Variants in FGFR2 observed in about 807,000 individuals in gnomAD.
The protein encoded by FGFR2 is fibroblast growth factor receptor 2, also known as BEK fibroblast growth factor receptor.
In FGFR2, 19 loss-of-function variants were observed where a neutral mutation model predicts 95.9. The observed-to-expected ratio is 0.20, with a 90% CI of 0.14 to 0.29. FGFR2 has a LOEUF of 0.29. Among genes scored for constraint, FGFR2 ranks in the 10% least tolerant of loss-of-function variants. The pLI, the probability that FGFR2 is intolerant of heterozygous loss-of-function variation, is 1.00. For synonymous variants in FGFR2, 392 were observed against 393.3 expected (o/e 1.00, Z 0.04); for missense variants, 707 against 1,056.9 (o/e 0.67, Z 4.59).
Position 121,496,589 on chromosome 10 carries a change from G to C in FGFR2, c.1806C>G (p.Asp602Glu), listed in dbSNP as rs2133936082. The part of the protein sequence containing the change: ...RVPEEQMTFK[D>E]LVSCTYQLAR... ...CCAGCTGGTAGGTGCATGACACCAA[G>C]TCCTTGAAGGTCATCTGCTCCTCAG... Residue 602 changes from aspartate to glutamate, a missense_variant, in exon 13 of 18, where the codon GAC (aspartate) becomes GAG (glutamate). Transcript: ENST00000358487. 1 of 1,613,808 alleles carries C rather than the reference G, an allele frequency of 6.2e-7. No individual in the cohort carries two copies. The highest frequency in any genetic ancestry group is 8.5e-7 in the Non-Finnish European group (1 of 1,180,022).
intron 2 of FGFR2, among the ~76,000 whole-genome samples, chr10:121,592,028 T>C (rs543009035): frequency 1.3e-5 from 2 of 152,218 alleles, no homozygotes; most frequent in Admixed American, 6.5e-5. Flanking sequence ...TTACACTTTA[T>C]GTTGAAATAA....
chr10:121,577,790 C>CG (rs1335669546), intron 2 of FGFR2, among the ~76,000 whole-genome samples: 2 of 151,930 alleles, frequency 1.3e-5, no homozygotes, highest in East Asian at 1.9e-4. Context: ...TCCACCTGCC[C>CG]GGGGGGAGGA....
intron 9 of FGFR2, among the ~76,000 whole-genome samples, chr10:121,505,766 G>C (rs1848184394): frequency 6.6e-6 from 1 of 152,198 alleles, no homozygotes; most frequent in Non-Finnish European, 1.5e-5. Context: ...GGAACTTTCA[G>C]AGAACATCAA....
intron 5 of FGFR2, among the ~76,000 whole-genome samples, chr10:121,543,449 G>T (rs2134685510): frequency 6.6e-6 from 1 of 152,300 alleles, no homozygotes; most frequent in East Asian, 1.9e-4. Context: ...GACAGAGACT[G>T]CAGTGAGCTG....
chr10:121,586,812 A>G (rs191194842), intron 2 of FGFR2, among the ~76,000 whole-genome samples: 2 of 152,340 alleles, frequency 1.3e-5, no homozygotes, highest in East Asian at 3.9e-4. Flanking sequence ...AAACTTGTAA[A>G]AAGTGTGACT....
intron 17 of FGFR2, among the ~76,000 whole-genome samples, chr10:121,482,674 C>CA (rs1174492276): frequency 6.6e-6 from 1 of 152,144 alleles, no homozygotes; most frequent in South Asian, 2.1e-4. Context: ...CTTTCCTGCT[C>CA]AGAGCATATG....
intron 2 of FGFR2, among the ~76,000 whole-genome samples, chr10:121,566,231 T>C (rs959320319): frequency 4.6e-5 from 7 of 152,162 alleles, no homozygotes; most frequent in Non-Finnish European, 1.0e-4. Context: ...CTCTACAAGA[T>C]TTTTTGCCAT....
intron 9 of FGFR2, among the ~76,000 whole-genome samples, chr10:121,512,609 G>T (rs1486607038): frequency 6.6e-6 from 1 of 151,922 alleles, no homozygotes; most frequent in Non-Finnish European, 1.5e-5. Flanking sequence ...TGGTCAGGCT[G>T]GTCTTGAACT....
At chr10:121,556,060 C>G (rs953133557) in intron 4 of FGFR2, among the ~76,000 whole-genome samples, 2 of 152,112 alleles carry the variant, frequency 1.3e-5, no homozygotes, top group Non-Finnish European at 2.9e-5. Flanking sequence ...GAGGGTACAG[C>G]TGGAGTTGTC....
At chr10:121,566,049 T>C in intron 2 of FGFR2, 2 of 405,262 alleles carry the variant, frequency 4.9e-6, no homozygotes, top group South Asian at 4.8e-5. Context: ...AATCTGTTAT[T>C]GTGGTATGTT....
At position 121,485,708 on chromosome 10, in the gene FGFR2, T is replaced by C. The variant is rs531517799; in HGVS notation, c.2058-176A>G. On this transcript the variant is annotated intron_variant, in intron 15 of 17. Coordinates refer to ENST00000358487, the MANE Select transcript of FGFR2 (RefSeq NM_000141.5). This position sits in a 1 kb window ranked among gnomAD's most constrained non-coding sequence, Gnocchi z 4.2. The stretch of plus-strand genomic sequence containing the variant: ...CTGCAAGAGCATCCCCGAATGATGA[T>C]GACACGGGGATGTGCTGATGGAATT... Among the ~76,000 whole-genome samples the C allele has an allele frequency of 3.3e-5, 5 of 152,298 alleles. No homozygotes were observed. Among genetic ancestry groups the C allele is most frequent in the Admixed American group, 6.5e-5 (1 of 15,292 alleles).
chr10:121,526,655 C>T (rs1851406873), intron 6 of FGFR2: 1 of 398,620 alleles, frequency 2.5e-6, no homozygotes, highest in East Asian at 3.6e-5. Context: ...AGCCCAGGTG[C>T]CCACAGCCAG....
intron 2 of FGFR2, among the ~76,000 whole-genome samples, chr10:121,578,483 C>T (rs934672520): frequency 3.3e-5 from 5 of 152,214 alleles, no homozygotes; most frequent in Non-Finnish European, 4.4e-5. Context: ...AGACAGTCTG[C>T]GTCCCCAGCC....
Position 121,487,981 on chromosome 10 carries a change from A to T in FGFR2, c.1986+10T>A, listed in dbSNP as rs374215783. 9.3e-6 allele frequency: 15 copies of T among 1,614,086 alleles called. No individual in the cohort carries two copies. The highest frequency in any genetic ancestry group is 1.3e-5 in the Non-Finnish European group (15 of 1,179,986). Reference sequence around the variant, plus strand: ...CGCCCCTGCCCACTGTGTTACTGCCATCGACTTACATTGGTGGTCTTTTTG... The same window carrying T: ...CGCCCCTGCCCACTGTGTTACTGCCTTCGACTTACATTGGTGGTCTTTTTG... On this transcript the variant is annotated intron_variant, in intron 14 of 17. Coordinates refer to ENST00000358487, the MANE Select transcript of FGFR2 (RefSeq NM_000141.5).
chr10:121,569,143 C>T (rs980100807), intron 2 of FGFR2, among the ~76,000 whole-genome samples: 12 of 152,176 alleles, frequency 7.9e-5, no homozygotes, highest in East Asian at 1.9e-4. Context: ...AGATGCTTGC[C>T]GTGATTTTTT....
chr10:121,576,233 T>G (rs59878206), intron 2 of FGFR2, among the ~76,000 whole-genome samples: 2,114 of 152,270 alleles, frequency 0.014, 55 homozygotes, highest in African/African-American at 0.047. Flanking sequence ...TCAGAAAGCA[T>G]TTCCCAAAGC....
intron 6 of FGFR2, chr10:121,526,873 T>C (rs2134419372): frequency 7.5e-6 from 3 of 397,708 alleles, no homozygotes; most frequent in Non-Finnish European, 8.9e-6. Flanking sequence ...TCTGGATATC[T>C]GACTCTCGGA....
chr10:121,507,400 CA>C (rs1157385686), intron 9 of FGFR2, among the ~76,000 whole-genome samples: 5 of 152,252 alleles, frequency 3.3e-5, no homozygotes, highest in African/African-American at 1.2e-4. Flanking sequence ...CCAGCCTGAC[CA>C]ACATGGTGAA....
At position 121,565,419 on chromosome 10, in the gene FGFR2, T is replaced by C. The variant is rs1857531675; in HGVS notation, c.376+19A>G. ...TGGCTACAGAGAAGAGAGAGCATAG[T>C]GCTGGCGGGCCAACTCACCTGTGAC... On this transcript the variant is annotated intron_variant, in intron 3 of 17. Coordinates refer to ENST00000358487, the MANE Select transcript of FGFR2 (RefSeq NM_000141.5). 2 of 1,613,872 alleles carry C rather than the reference T, an allele frequency of 1.2e-6. No homozygotes were observed. Among genetic ancestry groups the C allele is most frequent in the South Asian group, 1.1e-5 (1 of 91,076 alleles).
Sources: gnomAD v4.1 joint callset for allele counts (sites outside exome capture counted in the v4.1 genomes callset) on GRCh38, gnomAD v4.1.1 for gene constraint, Gnocchi (gnomAD v3.1) non-coding constraint, MANE v1.5 for transcripts, NCBI Gene and HGNC (gene_info 2026-07-23, HGNC 2026-07-21) for gene names.